The following STEAP2 variants were observed in gnomAD, a reference collection of about 807,000 sequenced individuals.
STEAP2 encodes metalloreductase STEAP2.
A neutral mutation model predicts 46.4 loss-of-function variants in STEAP2; 30 were observed. The observed-to-expected ratio is 0.65, with a 90% CI of 0.48 to 0.88. The LOEUF is 0.88. STEAP2 is among the 40% of genes least tolerant of loss of function. The pLI is 0.00. For missense variants in STEAP2, 513 were observed against 579.3 expected, an observed-to-expected ratio of 0.89 and a Z score of 1.18; for synonymous variants, 180 against 200.5, an observed-to-expected ratio of 0.90 and a Z score of 0.86.
intron 1 of STEAP2, among the ~76,000 whole-genome samples, chr7:90,214,655 A>G (rs754937312): frequency 6.6e-6 from 1 of 151,392 alleles, no homozygotes; most frequent in Non-Finnish European, 1.5e-5. Flanking sequence ...TAAGGGAGTG[A>G]CTACAAATCT....
chr7:90,214,017 C>T (rs916886965), intron 1 of STEAP2, among the ~76,000 whole-genome samples: 2 of 152,014 alleles, frequency 1.3e-5, no homozygotes, highest in Non-Finnish European at 2.9e-5. Context: ...CAAGGAGCAC[C>T]GATTTTAAGG....
chr7:90,237,958 G>A, downstream of STEAP2: 1 of 645,890 alleles, frequency 1.5e-6, no homozygotes, highest in Non-Finnish European at 2.8e-6. Flanking sequence ...CTAGTATAAT[G>A]TGATCTATGA....
Position 90,232,731 on chromosome 7 carries a change from CTTG to C in STEAP2, c.*110_*112del, listed in dbSNP as rs1403220256. On this transcript the variant is annotated 3_prime_UTR_variant, in exon 6 of 6. Coordinates refer to ENST00000394621, the MANE Select transcript of STEAP2 (RefSeq NM_001244944.2). ...GCTGTCAAATTATCGTGGGTTGAAA[CTTG>C]TTAAATGAGATTTCAACTGACTTAG... 1.4e-6 allele frequency: 2 copies of C among 1,395,660 alleles called. No homozygotes were observed. The highest frequency in any genetic ancestry group is 1.9e-6 in the Non-Finnish European group (2 of 1,073,248). The allele number at this position is 1,395,660 out of a possible 1,614,324, so 86.5% of individuals were successfully genotyped here.
Position 90,233,486 on chromosome 7 carries a change from C to G in STEAP2, c.*862C>G. 1.0e-6 allele frequency: 1 copy of G among 985,362 alleles called. No homozygotes were observed. The highest frequency in any genetic ancestry group is 1.2e-6 in the Non-Finnish European group (1 of 829,924). The allele number at this position is 985,362 out of a possible 1,614,324, so 61.0% of individuals were successfully genotyped here. The stretch of plus-strand genomic sequence containing the variant: ...AATCTGCCAGCTGACCTTTGTCGCA[C>G]CTTAACCAGTCACCACTTGCTATGG... On this transcript the variant is annotated 3_prime_UTR_variant, in exon 6 of 6. Transcript: ENST00000394621.
chr7:90,218,762 T>C (rs1050328459), intron 2 of STEAP2, among the ~76,000 whole-genome samples: 2 of 152,188 alleles, frequency 1.3e-5, no homozygotes, highest in Non-Finnish European at 2.9e-5. Flanking sequence ...TCAGGATATT[T>C]TTTGGTTCTA....
intron 1 of STEAP2, chr7:90,215,774 G>GT (rs1794988084): frequency 1.3e-5 from 2 of 152,244 alleles, no homozygotes; most frequent in Admixed American, 1.3e-4. Flanking sequence ...TGACATAGTT[G>GT]TTTTTTGTTT....
chr7:90,237,395 T>G lies in STEAP2; in HGVS notation c.*4771T>G, dbSNP rs1041372038. 7 of 156,340 alleles carry G rather than the reference T, an allele frequency of 4.5e-5. No homozygotes were observed. The highest frequency in any genetic ancestry group is 2.6e-4 in the Admixed American group (4 of 15,480). The allele number at this position is 156,340 out of a possible 1,614,324, so 9.7% of individuals were successfully genotyped here. ...ATGTGCAATTCACATTAAAATTGAT[T>G]TTCCATTGTCAATTAGTTATACTCA... On this transcript the variant is annotated 3_prime_UTR_variant, in exon 6 of 6. Transcript: ENST00000394621.
intron 4 of STEAP2, among the ~76,000 whole-genome samples, chr7:90,228,415 T>G (rs201723188): frequency 1.7e-5 from 2 of 116,474 alleles, no homozygotes; most frequent in African/African-American, 6.6e-5. Flanking sequence ...GAAAAAAAAC[T>G]TCTCTTAATG....
Position 90,235,624 on chromosome 7 carries a change from A to AG in STEAP2, c.*3000_*3001insG. 1 of 982,368 alleles carries AG rather than the reference A, an allele frequency of 1.0e-6. No homozygotes were observed. Among genetic ancestry groups the AG allele is most frequent in the Non-Finnish European group, 1.2e-6 (1 of 827,268 alleles). 60.9% of individuals were successfully genotyped at this position (982,368 alleles called of 1,614,324 possible). ...TCAGTCTTAATCCTATGCAAAAAAA[A>AG]AAATCAAGTAATTGTTTTCCTATGA... On this transcript the variant is annotated 3_prime_UTR_variant, in exon 6 of 6. Transcript: ENST00000394621.
intron 4 of STEAP2, among the ~76,000 whole-genome samples, chr7:90,228,456 A>G (rs194521): frequency 0.9 from 136,104 of 152,068 alleles, 61,143 homozygotes; most frequent in East Asian, 1. Context: ...TTGCTCAGTC[A>G]GCTCCCTTGC....
chr7:90,236,375 A>AT lies in STEAP2; in HGVS notation c.*3755dup, dbSNP rs1795960677. 1.0e-6 allele frequency: 1 copy of AT among 984,060 alleles called. No individual in the cohort carries two copies. The highest frequency in any genetic ancestry group is 1.2e-6 in the Non-Finnish European group (1 of 828,790). The allele number at this position is 984,060 out of a possible 1,614,324, so 61.0% of individuals were successfully genotyped here. ...AAACAGCCTAAAATGTGTTGAAATT[A>AT]TTTTGTAAATCCATGACTTAAAACA... On this transcript the variant is annotated 3_prime_UTR_variant, in exon 6 of 6. Transcript: ENST00000394621.
At chr7:90,220,701 T>G (rs1202967317) in intron 2 of STEAP2, among the ~76,000 whole-genome samples, 1 of 152,186 alleles carries the variant, frequency 6.6e-6, no homozygotes, top group Non-Finnish European at 1.5e-5. Flanking sequence ...TTCTAGTTCC[T>G]TGAGGTACAT....
chr7:90,228,910 T>C (rs1795618882), intron 4 of STEAP2, among the ~76,000 whole-genome samples: 1 of 152,216 alleles, frequency 6.6e-6, no homozygotes, highest in South Asian at 2.1e-4. Context: ...CTGTGGCCTC[T>C]TTCAAGATGA....
At position 90,236,353 on chromosome 7, in the gene STEAP2, C is replaced by G. The variant is rs1187507142; in HGVS notation, c.*3729C>G. 1 of 982,688 alleles carries G rather than the reference C, an allele frequency of 1.0e-6. No individual in the cohort carries two copies. The highest frequency in any genetic ancestry group is 1.2e-6 in the Non-Finnish European group (1 of 827,678). The allele number at this position is 982,688 out of a possible 1,614,324, so 60.9% of individuals were successfully genotyped here. A position where few individuals can be genotyped will look rare whatever the true frequency, so the allele number is the denominator to read the frequency against. ...AAATCCCTGTTTTGAAATACGTAAACAGCCTAAAATGTGTTGAAATTATTT... is the reference window on the plus strand; with the variant it reads ...AAATCCCTGTTTTGAAATACGTAAAGAGCCTAAAATGTGTTGAAATTATTT... On this transcript the variant is annotated 3_prime_UTR_variant, in exon 6 of 6. Transcript: ENST00000394621.
At position 90,220,110 on chromosome 7, in the gene STEAP2, C is replaced by T. The variant is rs565111868; in HGVS notation, c.-34+3507C>T. Among the ~76,000 whole-genome samples the T allele has an allele frequency of 8.0e-4, 122 of 152,114 alleles. 1 individual carries two copies. Among genetic ancestry groups the T allele is most frequent in the Non-Finnish European group, 1.6e-3 (108 of 67,972 alleles). Reference sequence around the variant, plus strand: ...TATGTAGTTTTCTTTTTTGTTGAGCCTTGTTTGCTTTTGGTGTGAAGATAA... The same window carrying T: ...TATGTAGTTTTCTTTTTTGTTGAGCTTTGTTTGCTTTTGGTGTGAAGATAA... On this transcript the variant is annotated intron_variant, in intron 2 of 5. Transcript: ENST00000394621.
downstream of STEAP2, among the ~76,000 whole-genome samples, chr7:90,241,171 TACACAC>T (rs66565009): frequency 1.3e-5 from 2 of 149,982 alleles, no homozygotes; most frequent in Non-Finnish European, 3.0e-5. Flanking sequence ...CACATAAACA[TACACAC>T]ACACACACAC....
At position 90,237,227 on chromosome 7, in the gene STEAP2, T is replaced by G; in HGVS notation, c.*4603T>G. 2.6e-6 allele frequency: 1 copy of G among 381,512 alleles called. No individual in the cohort carries two copies. The highest frequency in any genetic ancestry group is 4.6e-6 in the Non-Finnish European group (1 of 215,070). The allele number at this position is 381,512 out of a possible 1,614,324, so 23.6% of individuals were successfully genotyped here. On this transcript the variant is annotated 3_prime_UTR_variant, in exon 6 of 6. Transcript: ENST00000394621. ...CTACTTCCACTGCTTTTTCCTGCAT[T>G]TAAGCCATTGTAAATCTGGGTGTGT...
chr7:90,237,214 CT>C lies in STEAP2; in HGVS notation c.*4595del. ...CTTGACTACTTCCCTACTTCCACTG[CT>C]TTTTCCTGCATTTAAGCCATTGTAA... On this transcript the variant is annotated 3_prime_UTR_variant, in exon 6 of 6. Coordinates refer to ENST00000394621, the MANE Select transcript of STEAP2 (RefSeq NM_001244944.2). 1 of 400,164 alleles carries C rather than the reference CT, an allele frequency of 2.5e-6. No individual in the cohort carries two copies. The allele number at this position is 400,164 out of a possible 1,614,324, so 24.8% of individuals were successfully genotyped here. A position where few individuals can be genotyped will look rare whatever the true frequency, so the allele number is the denominator to read the frequency against.
intron 2 of STEAP2, among the ~76,000 whole-genome samples, chr7:90,221,044 A>T (rs912004597): frequency 6.6e-6 from 1 of 152,192 alleles, no homozygotes; most frequent in African/African-American, 2.4e-5. Flanking sequence ...GTGTTCTAAC[A>T]TGGTCATTCC....
Sources: allele counts gnomAD v4.1 joint callset (sites outside exome capture counted in the v4.1 genomes callset), GRCh38; gene constraint gnomAD v4.1.1; transcripts MANE v1.5; gene names NCBI Gene and HGNC (gene_info 2026-07-23, HGNC 2026-07-21).